PHF24: variants seen among roughly 807,000 people sequenced by gnomAD.
PHF24 encodes the protein PHD finger protein 24, also known as Galpha inhibitory interacting protein.
In PHF24, 25 loss-of-function variants were observed where a neutral mutation model predicts 42.6. The observed-to-expected ratio is 0.59, with a 90% CI of 0.43 to 0.82. The LOEUF is 0.82. Among genes scored for constraint, PHF24 ranks in the 40% least tolerant of loss-of-function variants. The pLI, the probability that PHF24 is intolerant of heterozygous loss-of-function variation, is 0.00. For missense variants in PHF24, 470 were observed against 538.1 expected, an observed-to-expected ratio of 0.87 and a Z score of 1.25; for synonymous variants, 185 against 204.8, an observed-to-expected ratio of 0.90 and a Z score of 0.83.
At chr9:34,862,475 C>G in the PHF24 span, among the ~76,000 whole-genome samples, 1 of 151,984 alleles carries the variant, frequency 6.6e-6, no homozygotes, top group African/African-American at 2.4e-5. Context: ...AGATAGGGCA[C>G]CAGTCAGAGT....
At chr9:34,978,618 C>A (rs35829920) in exon 8 of PHF24, 1 of 154,200 alleles carries the variant, frequency 6.5e-6, no homozygotes, top group African/African-American at 2.4e-5. Context: ...CCTGGAGATC[C>A]TAATGGGCCC....
the PHF24 span, among the ~76,000 whole-genome samples, chr9:34,852,376 C>T: frequency 6.6e-6 from 1 of 152,166 alleles, no homozygotes; most frequent in Non-Finnish European, 1.5e-5. Flanking sequence ...GTTCAAATGT[C>T]AACTGCATAT....
At chr9:34,882,931 G>A in the PHF24 span, among the ~76,000 whole-genome samples, 1 of 152,174 alleles carries the variant, frequency 6.6e-6, no homozygotes, top group Non-Finnish European at 1.5e-5. Context: ...AAAGAACAAA[G>A]CTGGAGGCAT....
the PHF24 span, among the ~76,000 whole-genome samples, chr9:34,785,038 G>A: frequency 2.9e-3 from 447 of 152,272 alleles, 5 homozygotes; most frequent in Non-Finnish European, 5.3e-3. Flanking sequence ...GTCTGCTTGC[G>A]TTCCTGTAAC....
At chr9:34,864,428 A>G in the PHF24 span, among the ~76,000 whole-genome samples, 3 of 152,208 alleles carry the variant, frequency 2.0e-5, no homozygotes, top group Non-Finnish European at 4.4e-5. Flanking sequence ...CATACAATGG[A>G]GCTCCAATAC....
chr9:34,868,527 A>G, the PHF24 span, among the ~76,000 whole-genome samples: 1 of 152,182 alleles, frequency 6.6e-6, no homozygotes, highest in Non-Finnish European at 1.5e-5. Context: ...TTAACAGGAA[A>G]TCACTGTCAT....
At chr9:34,707,522 T>C in the PHF24 span, among the ~76,000 whole-genome samples, 2 of 152,136 alleles carry the variant, frequency 1.3e-5, no homozygotes, top group African/African-American at 4.8e-5. Context: ...AGTTTATAGA[T>C]TAATTTCACA....
chr9:34,702,333 C>CA, the PHF24 span, among the ~76,000 whole-genome samples: 26 of 152,148 alleles, frequency 1.7e-4, 1 homozygote, highest in Non-Finnish European at 1.0e-4. Flanking sequence ...GAGCGCCTCC[C>CA]AGCAGGCGGA....
the PHF24 span, among the ~76,000 whole-genome samples, chr9:34,938,640 G>A: frequency 3.3e-5 from 5 of 152,148 alleles, no homozygotes; most frequent in South Asian, 1.0e-3. Context: ...AAAAAGCCAT[G>A]AGCCTGTTGC....
At chr9:34,872,286 A>G in the PHF24 span, among the ~76,000 whole-genome samples, 1 of 151,066 alleles carries the variant, frequency 6.6e-6, no homozygotes, top group African/African-American at 2.4e-5. Flanking sequence ...TACATGTGCC[A>G]TGCTGGTGCG....
At chr9:34,882,229 A>G in the PHF24 span, among the ~76,000 whole-genome samples, 1 of 152,200 alleles carries the variant, frequency 6.6e-6, no homozygotes, top group African/African-American at 2.4e-5. Context: ...AATAAGAGCT[A>G]TTTATGACAA....
chr9:34,868,283 T>G, the PHF24 span, among the ~76,000 whole-genome samples: 1 of 152,242 alleles, frequency 6.6e-6, no homozygotes, highest in Admixed American at 6.5e-5. Flanking sequence ...CACCATTATC[T>G]CAAACATTTT....
chr9:34,959,754 GT>G (rs1349948623), intron 1 of PHF24, among the ~76,000 whole-genome samples: 1 of 152,190 alleles, frequency 6.6e-6, no homozygotes, highest in East Asian at 1.9e-4. Flanking sequence ...TCTGGGTGTG[GT>G]TTTTGACAGG....
the PHF24 span, chr9:34,918,135 G>A: frequency 2.8e-5 from 43 of 1,537,914 alleles, no homozygotes; most frequent in African/African-American, 4.1e-4. Flanking sequence ...CAATCGTAGC[G>A]CCAGCATATG....
the PHF24 span, chr9:34,690,281 G>A: frequency 6.2e-7 from 1 of 1,613,748 alleles, no homozygotes; most frequent in Admixed American, 1.7e-5. Flanking sequence ...ACCCAGGGAT[G>A]GGTTTCTGGG....
the PHF24 span, among the ~76,000 whole-genome samples, chr9:34,706,026 A>G: frequency 6.6e-6 from 1 of 152,238 alleles, no homozygotes; most frequent in Non-Finnish European, 1.5e-5. Flanking sequence ...TTGAAAGGCA[A>G]TGTCAAGATA....
chr9:34,802,116 T>G, the PHF24 span, among the ~76,000 whole-genome samples: 1 of 151,954 alleles, frequency 6.6e-6, no homozygotes, highest in Non-Finnish European at 1.5e-5. Flanking sequence ...GTTGAGAGAG[T>G]AGAATGGGTA....
the PHF24 span, chr9:34,889,391 C>A: frequency 2.5e-6 from 1 of 398,516 alleles, no homozygotes; most frequent in Non-Finnish European, 4.4e-6. Flanking sequence ...CACAGAAGAT[C>A]AGGCCTTCCT....
chr9:34,934,729 C>T, the PHF24 span, among the ~76,000 whole-genome samples: 8 of 152,254 alleles, frequency 5.3e-5, no homozygotes, highest in East Asian at 1.4e-3. Flanking sequence ...CCTTGGAGCT[C>T]CAGTAATGCT....
Sources: allele counts gnomAD v4.1 joint callset (sites outside exome capture counted in the v4.1 genomes callset), GRCh38; gene constraint gnomAD v4.1.1; transcripts MANE v1.5; gene names NCBI Gene and HGNC (gene_info 2026-07-23, HGNC 2026-07-21).